Variants in SESN3 observed in about 807,000 individuals in gnomAD.
SESN3 encodes the protein sestrin-3.
A neutral mutation model predicts 55.3 loss-of-function variants in SESN3; 21 were observed. That is an observed-to-expected ratio of 0.38 (90% CI 0.27 to 0.55). The LOEUF is 0.55. SESN3 is among the 20% of genes least tolerant of loss of function. The pLI, the probability that SESN3 is intolerant of heterozygous loss-of-function variation, is 0.76. For synonymous variants in SESN3, 181 were observed against 203.1 expected, an observed-to-expected ratio of 0.89 and a Z score of 0.93; for missense variants, 408 against 604.3, an observed-to-expected ratio of 0.68 and a Z score of 3.41.
chr11:95,201,448 T>C (rs1708471487), intron 1 of SESN3: 1 of 152,110 alleles, frequency 6.6e-6, no homozygotes, highest in Non-Finnish European at 1.5e-5. Context: ...GCAGTATAAC[T>C]GAGCTTCCAA....
chr11:95,191,361 A>G, intron 3 of SESN3, 43 bp downstream of exon 3: 3 of 1,413,772 alleles, frequency 2.1e-6, no homozygotes, highest in South Asian at 2.3e-5. Context: ...AGAAAGAATA[A>G]GTGAGGAAGG....
At chr11:95,195,831 T>G (rs1342224818) in intron 1 of SESN3, among the ~76,000 whole-genome samples, 1 of 152,226 alleles carries the variant, frequency 6.6e-6, no homozygotes, top group East Asian at 1.9e-4. Flanking sequence ...CAAAAATGTC[T>G]TACCAATTTT....
At chr11:95,178,894 C>A (rs778678986) in intron 6 of SESN3, 66 bp from the exon 7 acceptor site, 3 of 865,540 alleles carry the variant, frequency 3.5e-6, no homozygotes, top group Non-Finnish European at 5.5e-6. Context: ...TAAAACGGAA[C>A]TCCATTTTCT....
At chr11:95,214,455 G>A (rs570750608) in intron 1 of SESN3, among the ~76,000 whole-genome samples, 1 of 152,262 alleles carries the variant, frequency 6.6e-6, no homozygotes, top group East Asian at 1.9e-4. Flanking sequence ...GCTTTTCAAA[G>A]AGCAATCTTC....
At position 95,167,794 on chromosome 11, in the gene SESN3, G is replaced by C. The variant is rs183919782; in HGVS notation, c.*5461C>G. ...GTGCAGTGTCCCATGTTAGAAACCT[G>C]ACATAATTTTACATTTATGAACAAC... On this transcript the variant is annotated 3_prime_UTR_variant, in exon 10 of 10. Coordinates refer to ENST00000536441, the MANE Select transcript of SESN3 (RefSeq NM_144665.4). 2.0e-5 allele frequency: 3 copies of C among 152,256 alleles called. No homozygotes were observed. Among genetic ancestry groups the C allele is most frequent in the Admixed American group, 1.3e-4 (2 of 15,294 alleles). The allele number at this position is 152,256 out of a possible 1,614,324, so 9.4% of individuals were successfully genotyped here.
chr11:95,230,878 A>C lies in SESN3; in HGVS notation c.-18T>G, dbSNP rs1413027394. On this transcript the variant is annotated 5_prime_UTR_variant, in exon 1 of 10. Coordinates refer to ENST00000536441, the MANE Select transcript of SESN3 (RefSeq NM_144665.4). The surrounding 1 kb of genome is among the most constrained non-coding windows in gnomAD (Gnocchi z 4.6). The stretch of plus-strand genomic sequence containing the variant: ...CGGTTCATCGTGGCTGCGGGCGCCG[A>C]GGCGAGAGCGGGCGGAGGGCCGGGT... 1.3e-6 allele frequency: 2 copies of C among 1,554,486 alleles called. No homozygotes were observed. Among genetic ancestry groups the C allele is most frequent in the Non-Finnish European group, 1.7e-6 (2 of 1,158,120 alleles).
chr11:95,208,454 AT>A (rs1338553277), intron 1 of SESN3, among the ~76,000 whole-genome samples: 2 of 151,548 alleles, frequency 1.3e-5, no homozygotes, highest in African/African-American at 4.8e-5. Flanking sequence ...GAGCTGCATG[AT>A]CATCAGTGTG....
chr11:95,180,295 A>G (rs988681748), intron 6 of SESN3, among the ~76,000 whole-genome samples: 8 of 152,182 alleles, frequency 5.3e-5, no homozygotes, highest in African/African-American at 1.2e-4. Context: ...AATTCTTCCA[A>G]AAGAAAGACC....
chr11:95,183,006 C>A (rs1430456690), intron 6 of SESN3, among the ~76,000 whole-genome samples: 1 of 152,142 alleles, frequency 6.6e-6, no homozygotes, highest in Non-Finnish European at 1.5e-5. Flanking sequence ...CACCCTTTGC[C>A]TATCAAGACT....
chr11:95,181,638 A>C (rs567148937), intron 6 of SESN3, among the ~76,000 whole-genome samples: 2 of 152,204 alleles, frequency 1.3e-5, no homozygotes, highest in South Asian at 4.1e-4. Flanking sequence ...AAAACAGTAA[A>C]AGCTAGTTAA....
intron 1 of SESN3, 21 bp from the exon 2 acceptor site, chr11:95,193,543 T>A: frequency 7.2e-7 from 1 of 1,391,854 alleles, no homozygotes; most frequent in South Asian, 1.2e-5. Flanking sequence ...AAGAAAAGTT[T>A]TATGTATCAA....
intron 1 of SESN3, among the ~76,000 whole-genome samples, chr11:95,207,652 T>G (rs955651391): frequency 6.6e-6 from 1 of 151,574 alleles, no homozygotes; most frequent in Admixed American, 6.6e-5. Context: ...CTTAACCTAT[T>G]AATAAACTGA....
At chr11:95,196,162 T>C (rs1452280999) in intron 1 of SESN3, among the ~76,000 whole-genome samples, 2 of 152,224 alleles carry the variant, frequency 1.3e-5, no homozygotes, top group Non-Finnish European at 2.9e-5. Flanking sequence ...TGTATTCTTC[T>C]TCAATTATAT....
rs986686611 is a variant in SESN3, at chr11:95,167,497, G to A, written c.*5758C>T. On this transcript the variant is annotated 3_prime_UTR_variant, in exon 10 of 10. Coordinates refer to ENST00000536441, the MANE Select transcript of SESN3 (RefSeq NM_144665.4). ...CCCCATATATATAATTTTTCATTCT[G>A]TACTTCATGGTGGTACAGTCATAAT... 6.7e-6 allele frequency: 1 copy of A among 149,972 alleles called. No homozygotes were observed. The highest frequency in any genetic ancestry group is 1.5e-5 in the Non-Finnish European group (1 of 67,984). The allele number at this position is 149,972 out of a possible 1,614,324, so 9.3% of individuals were successfully genotyped here.
rs563146502 is a variant in SESN3, at chr11:95,171,945, G to A, written c.*1310C>T. The A allele has an allele frequency of 2.2e-4, 34 of 152,182 alleles. No individual in the cohort carries two copies. The highest frequency in any genetic ancestry group is 7.2e-4 in the African/African-American group (30 of 41,538). The allele number at this position is 152,182 out of a possible 1,614,324, so 9.4% of individuals were successfully genotyped here. The stretch of plus-strand genomic sequence containing the variant: ...TATTCCTCCCCTATGACTTAATAAC[G>A]TTTTTAAACCAGTTGTCCAAGGAGA... On this transcript the variant is annotated 3_prime_UTR_variant, in exon 10 of 10. Transcript: ENST00000536441.
intron 1 of SESN3, among the ~76,000 whole-genome samples, chr11:95,223,326 C>T (rs962985355): frequency 4.6e-5 from 7 of 152,172 alleles, no homozygotes; most frequent in African/African-American, 1.7e-4. Flanking sequence ...CTGCTTCCCC[C>T]ACACTTCTCA....
At position 95,173,044 on chromosome 11, in the gene SESN3, A is replaced by G; in HGVS notation, c.*211T>C. The G allele has an allele frequency of 2.2e-6, 1 of 448,108 alleles. No individual in the cohort carries two copies. Among genetic ancestry groups the G allele is most frequent in the East Asian group, 3.0e-5 (1 of 33,672 alleles). 27.8% of individuals were successfully genotyped at this position (448,108 alleles called of 1,614,324 possible). A position where few individuals can be genotyped will look rare whatever the true frequency, so the allele number is the denominator to read the frequency against. ...ATGCAAAGTAGTGCTCCTCAGTATTATTTTTGCAATTGTTAGTAATGTTAA... is the reference window on the plus strand; with the variant it reads ...ATGCAAAGTAGTGCTCCTCAGTATTGTTTTTGCAATTGTTAGTAATGTTAA... On this transcript the variant is annotated 3_prime_UTR_variant, in exon 10 of 10. Coordinates refer to ENST00000536441, the MANE Select transcript of SESN3 (RefSeq NM_144665.4).
At position 95,170,540 on chromosome 11, in the gene SESN3, A is replaced by G. The variant is rs889255542; in HGVS notation, c.*2715T>C. On this transcript the variant is annotated 3_prime_UTR_variant, in exon 10 of 10. Transcript: ENST00000536441. ...ATTGAACCAGATATCTCTTTTAAAA[A>G]TATCACATTTTAATATAAAAAGCTA... 2 of 152,234 alleles carry G rather than the reference A, an allele frequency of 1.3e-5. No individual in the cohort carries two copies. The highest frequency in any genetic ancestry group is 2.9e-5 in the Non-Finnish European group (2 of 68,030). 9.4% of individuals were successfully genotyped at this position (152,234 alleles called of 1,614,324 possible).
chr11:95,173,722 C>T (rs1431117612), intron 9 of SESN3, among the ~76,000 whole-genome samples: 2 of 151,012 alleles, frequency 1.3e-5, no homozygotes, highest in Admixed American at 6.6e-5. Context: ...TTATGCTTAT[C>T]CTGTGAAAAG....
Sources: allele counts gnomAD v4.1 joint callset (sites outside exome capture counted in the v4.1 genomes callset), GRCh38; gene constraint gnomAD v4.1.1; non-coding constraint Gnocchi (gnomAD v3.1); transcripts MANE v1.5; gene names NCBI Gene and HGNC (gene_info 2026-07-23, HGNC 2026-07-21).